The following DMBX1 variants were observed in gnomAD, a reference collection of about 807,000 sequenced individuals.
The protein encoded by DMBX1 is diencephalon/mesencephalon homeobox 1, also known as diencephalon/mesencephalon homeobox protein 1.
DMBX1 carries 7 observed loss-of-function variants against 30.4 expected under a neutral mutation model. The ratio of observed to expected loss-of-function variants is 0.23; its 90% confidence interval spans 0.13 to 0.43. The LOEUF is 0.43. DMBX1 is among the 20% of genes least tolerant of loss of function. The probability of loss-of-function intolerance (pLI) is 1.00; values close to 1 mark genes in which losing one functional copy is unlikely to be tolerated. For missense variants in DMBX1, 460 were observed against 508.5 expected, an observed-to-expected ratio of 0.90 and a Z score of 0.92; for synonymous variants, 222 against 214.2, an observed-to-expected ratio of 1.04 and a Z score of -0.32.
At position 46,501,209 on chromosome 1, in the gene DMBX1, CCTTCCTTTCTTT is replaced by C. The variant is rs1442249024; in HGVS notation, c.-12-5786_-12-5775del. 4.9e-4 allele frequency among the ~76,000 whole-genome samples: 37 copies of C among 75,928 alleles called. 1 individual carries two copies. The highest frequency in any genetic ancestry group is 1.3e-3 in the East Asian group (3 of 2,236). The allele number at this position is 75,928 out of a possible 152,430, so 49.8% of individuals were successfully genotyped here. A position where few individuals can be genotyped will look rare whatever the true frequency, so the allele number is the denominator to read the frequency against. ...CTTTCTCTCCCTTCCTTCCTTCCTT[CCTTCCTTTCTTT>C]CTTTCTTTCTTTCTTTCTTTCTTTC... is the stretch of plus-strand genomic sequence containing the variant. On this transcript the variant is annotated intron_variant, in intron 2 of 5. Transcript: ENST00000360032.
In DMBX1 at chr1:46,510,839, G is replaced by A. The variant is rs1666351508; in HGVS notation, c.334-96G>A. ...GTGTGCATTCCCTAGAGGGGTGGGG[G>A]GATGTTATCACGTACATCCTCTCCC... On this transcript the variant is annotated intron_variant, in intron 4 of 5. Transcript: ENST00000360032. The surrounding 1 kb of genome is among the most constrained non-coding windows in gnomAD (Gnocchi z 4.1). 1.5e-6 allele frequency: 2 copies of A among 1,372,380 alleles called. No individual in the cohort carries two copies. Among genetic ancestry groups the A allele is most frequent in the African/African-American group, 1.5e-5 (1 of 68,550 alleles). The allele number at this position is 1,372,380 out of a possible 1,614,324, so 85.0% of individuals were successfully genotyped here.
rs1665966658 is a variant in DMBX1, at chr1:46,493,332, G to A, written c.-13+2549G>A. 6.6e-6 allele frequency among the ~76,000 whole-genome samples: 1 copy of A among 152,180 alleles called. No individual in the cohort carries two copies. On this transcript the variant is annotated intron_variant, in intron 2 of 5. Transcript: ENST00000360032. The surrounding 1 kb of genome is among the most constrained non-coding windows in gnomAD (Gnocchi z 4.1). ...GCCTCTCCTGTCTGACCTTGAGCGA[G>A]TCTCAGTTTCCCTTTCTGTAAGAAG...
Position 46,510,496 on chromosome 1 carries a change from T to G in DMBX1, c.175T>G (p.Tyr59Asp). 6.2e-7 allele frequency: 1 copy of G among 1,614,012 alleles called. No homozygotes were observed. The highest frequency in any genetic ancestry group is 8.5e-7 in the Non-Finnish European group (1 of 1,179,998). ...TCAAGACATCATCTTGGAGGCCCGT[T>G]ATGGTTCCCAGCACCGCAAACAACG... ...RLADIILEARYGSQHRKQRRS... is the reference protein window; with the variant it reads ...RLADIILEARDGSQHRKQRRS... Residue 59 changes from tyrosine to aspartate, a missense_variant, in exon 4 of 6, where the codon TAT becomes GAT. Tyr to Asp is a radical substitution (Grantham distance 160). This residue lies in a region of DMBX1 where 124 missense variants were observed against 144.0 expected (regional missense o/e 0.86). Coordinates refer to ENST00000360032, the MANE Select transcript of DMBX1 (RefSeq NM_172225.2). The surrounding 1 kb of genome is among the most constrained non-coding windows in gnomAD (Gnocchi z 4.1).
At chr1:46,496,647 C>T (rs1402371793) in intron 2 of DMBX1, among the ~76,000 whole-genome samples, 1 of 152,250 alleles carries the variant, frequency 6.6e-6, no homozygotes, top group East Asian at 1.9e-4. Context: ...CCCACTCACT[C>T]ATGCACACAC....
In DMBX1 at chr1:46,515,417, C is replaced by T. The variant is rs1666470961; in HGVS notation, c.*2923C>T. On this transcript the variant is annotated 3_prime_UTR_variant, in exon 6 of 6. Coordinates refer to ENST00000360032, the MANE Select transcript of DMBX1 (RefSeq NM_172225.2). ...CCTCCTCCAGGAAGCCTCCCCTGAA[C>T]TCCTAAGGGGCAATGTTCTGTCATG... Among the ~76,000 whole-genome samples the T allele has an allele frequency of 6.6e-6, 1 of 152,232 alleles. No individual in the cohort carries two copies. Among genetic ancestry groups the T allele is most frequent in the Admixed American group, 6.5e-5 (1 of 15,290 alleles).
chr1:46,506,980 C>G lies in DMBX1; in HGVS notation c.-12-19C>G, dbSNP rs760021997. Reference sequence around the variant, plus strand: ...CTGATAGGCCTGCCTCATGGCCCCTCTCCCTTTTCCGTCTGTAGGCGGATG... The same window carrying G: ...CTGATAGGCCTGCCTCATGGCCCCTGTCCCTTTTCCGTCTGTAGGCGGATG... On this transcript the variant is annotated intron_variant, in intron 2 of 5. Transcript: ENST00000360032. 1.9e-6 allele frequency: 3 copies of G among 1,612,190 alleles called. No homozygotes were observed. The East Asian group carries it at 6.7e-5, about 36-fold the overall frequency.
At chr1:46,496,141 G>A (rs1666020791) in intron 2 of DMBX1, among the ~76,000 whole-genome samples, 1 of 152,152 alleles carries the variant, frequency 6.6e-6, no homozygotes, top group African/African-American at 2.4e-5. Context: ...AGGAGATTTG[G>A]GGAGCATGGA....
At position 46,492,167 on chromosome 1, in the gene DMBX1, G is replaced by C. The variant is rs1028712207; in HGVS notation, c.-13+1384G>C. On this transcript the variant is annotated intron_variant, in intron 2 of 5. Coordinates refer to ENST00000360032, the MANE Select transcript of DMBX1 (RefSeq NM_172225.2). ...AAACCCGCCCCAGGCGAAGGCCATG[G>C]CGAAGGACAAGCACTCGGGCCTCGG... is the stretch of plus-strand genomic sequence containing the variant. Among the ~76,000 whole-genome samples, 5 of 152,232 alleles carry C rather than the reference G, an allele frequency of 3.3e-5. No homozygotes were observed. In the East Asian group the frequency reaches 9.6e-4, roughly 29 times the overall value.
At chr1:46,506,927 T>G in intron 2 of DMBX1, 72 bp from the exon 3 acceptor site, 1 of 1,551,960 alleles carries the variant, frequency 6.4e-7, no homozygotes, top group Admixed American at 1.7e-5. Flanking sequence ...GGGTCTGGAC[T>G]GGGGGTGGGT....
intron 2 of DMBX1, among the ~76,000 whole-genome samples, chr1:46,498,328 T>C (rs1180600979): frequency 6.6e-6 from 1 of 152,232 alleles, no homozygotes; most frequent in East Asian, 1.9e-4. Context: ...AATCTCTTGG[T>C]CTAAAATTCC....
Position 46,512,718 on chromosome 1 carries a change from G to C in DMBX1, c.*224G>C, listed in dbSNP as rs1666409102. The C allele has an allele frequency of 1.8e-6, 1 of 552,926 alleles. No homozygotes were observed. Among genetic ancestry groups the C allele is most frequent in the African/African-American group, 1.9e-5 (1 of 53,098 alleles). 34.3% of individuals were successfully genotyped at this position (552,926 alleles called of 1,614,324 possible). ...CCCCATGGAGGCCGAATAGGGAGGA[G>C]GTGAGAGGCTGGGGTGCCCCAAGCT... On this transcript the variant is annotated 3_prime_UTR_variant, in exon 6 of 6. Coordinates refer to ENST00000360032, the MANE Select transcript of DMBX1 (RefSeq NM_172225.2). This position sits in a 1 kb window ranked among gnomAD's most constrained non-coding sequence, Gnocchi z 4.8.
intron 2 of DMBX1, among the ~76,000 whole-genome samples, chr1:46,501,222 C>CTTTCTTTCTTTCTTTT (rs1345885226): frequency 2.9e-5 from 2 of 69,436 alleles, no homozygotes; most frequent in African/African-American, 1.0e-4. Context: ...TCCTTTCTTT[C>CTTTCTTTCTTTCTTTT]TTTCTTTCTT....
Position 46,512,882 on chromosome 1 carries a change from T to C in DMBX1, c.*388T>C, listed in dbSNP as rs1666412398. The C allele has an allele frequency of 5.8e-6, 1 of 173,016 alleles. No homozygotes were observed. Among genetic ancestry groups the C allele is most frequent in the Non-Finnish European group, 1.2e-5 (1 of 81,842 alleles). The allele number at this position is 173,016 out of a possible 1,614,324, so 10.7% of individuals were successfully genotyped here. Reference sequence around the variant, plus strand: ...ATAAATATAAATATATAAAGCTATATTTTCAGGCTCCTGCCTGCCCCAGGC... The same window carrying C: ...ATAAATATAAATATATAAAGCTATACTTTCAGGCTCCTGCCTGCCCCAGGC... On this transcript the variant is annotated 3_prime_UTR_variant, in exon 6 of 6. Coordinates refer to ENST00000360032, the MANE Select transcript of DMBX1 (RefSeq NM_172225.2). This position sits in a 1 kb window ranked among gnomAD's most constrained non-coding sequence, Gnocchi z 4.8.
At chr1:46,501,213 C>CCTTCCTTCCTTCCTTCCTTCCTTCCTTT (rs1179560561) in intron 2 of DMBX1, among the ~76,000 whole-genome samples, 9 of 74,524 alleles carry the variant, frequency 1.2e-4, no homozygotes, top group South Asian at 6.6e-4. Flanking sequence ...TTCCTTCCTT[C>CCTTCCTTCCTTCCTTCCTTCCTTCCTTT]CTTTCTTTCT....
chr1:46,495,641 C>T (rs547701962), intron 2 of DMBX1, among the ~76,000 whole-genome samples: 4 of 152,186 alleles, frequency 2.6e-5, no homozygotes, highest in Non-Finnish European at 5.9e-5. Context: ...AAAGAAGTCA[C>T]CGGACCCAAC....
chr1:46,512,224 T>TGCTGCTGCAGCGGCG lies in DMBX1; in HGVS notation c.873_887dup (p.Ala292_Ala296dup), dbSNP rs1195686208. 6.2e-7 allele frequency: 1 copy of TGCTGCTGCAGCGGCG among 1,613,962 alleles called. No individual in the cohort carries two copies. Among genetic ancestry groups the TGCTGCTGCAGCGGCG allele is most frequent in the Non-Finnish European group, 8.5e-7 (1 of 1,179,954 alleles). ...CCTTCGAAGTAGGGGGTCCGGCCCC[T>TGCTGCTGCAGCGGCG]GCTGCTGCAGCGGCGGCTGCTGCTG... On this transcript the variant is annotated inframe_insertion, in exon 6 of 6. Coordinates refer to ENST00000360032, the MANE Select transcript of DMBX1 (RefSeq NM_172225.2). The surrounding 1 kb of genome is among the most constrained non-coding windows in gnomAD (Gnocchi z 4.8).
Position 46,505,494 on chromosome 1 carries a change from G to A in DMBX1, c.-12-1505G>A, listed in dbSNP as rs1228334350. ...AAATCATCATTCTCAGTAAACTATC[G>A]CAAGAACAAAAAACCAAACACCGCA... On this transcript the variant is annotated intron_variant, in intron 2 of 5. Transcript: ENST00000360032. 6.4e-3 allele frequency among the ~76,000 whole-genome samples: 915 copies of A among 142,472 alleles called. 9 individuals are homozygous for A. Among genetic ancestry groups the A allele is most frequent in the Non-Finnish European group, 0.01 (683 of 65,794 alleles). The allele number at this position is 142,472 out of a possible 152,430, so 93.5% of individuals were successfully genotyped here.
Position 46,511,274 on chromosome 1 carries a change from C to A in DMBX1, c.673C>A (p.Pro225Thr). The A allele has an allele frequency of 6.3e-7, 1 of 1,586,856 alleles. No homozygotes were observed. Among genetic ancestry groups the A allele is most frequent in the Non-Finnish European group, 8.6e-7 (1 of 1,167,240 alleles). ...SKGLGCKRGS[P>T]KADSPGSLTI... The stretch of plus-strand genomic sequence containing the variant: ...GGGGCTGGGCTGCAAGAGGGGCAGC[C>A]CCAAGGCAGGTGAGGTCTGAGGGGT... Residue 225 changes from proline to threonine, a missense_variant, in exon 5 of 6, where the codon CCC (proline) becomes ACC (threonine). Physicochemically the swap from Pro to Thr is conservative, Grantham distance 38. This residue lies in a region of DMBX1 where 334 missense variants were observed against 345.1 expected (regional missense o/e 0.97). Transcript: ENST00000360032.
At chr1:46,490,962 T>C (rs939604401) in intron 2 of DMBX1, among the ~76,000 whole-genome samples, 179 bp downstream of exon 2, 1 of 152,204 alleles carries the variant, frequency 6.6e-6, no homozygotes, top group Non-Finnish European at 1.5e-5. Context: ...TGCCAGGGTC[T>C]TTCCTCCCTA....
Sources: allele counts gnomAD v4.1 joint callset (sites outside exome capture counted in the v4.1 genomes callset), GRCh38; gene constraint gnomAD v4.1.1; regional missense constraint gnomAD v4.1.1; non-coding constraint Gnocchi (gnomAD v3.1); transcripts MANE v1.5; gene names NCBI Gene and HGNC (gene_info 2026-07-23, HGNC 2026-07-21).